GDAP2: variants seen among roughly 807,000 people sequenced by gnomAD.
GDAP2 encodes the protein ganglioside-induced differentiation-associated protein 2.
GDAP2 carries 51 observed loss-of-function variants against 67.0 expected under a neutral mutation model. The observed-to-expected ratio is 0.76, with a 90% CI of 0.61 to 0.96. The LOEUF (loss-of-function observed/expected upper bound fraction) is 0.96, where lower values mean the gene tolerates loss of function less well. Ranked by LOEUF, GDAP2 falls within the 40% of genes least tolerant of loss-of-function variation. The pLI is 0.00. For synonymous variants in GDAP2, 203 were observed against 207.3 expected (o/e 0.98, Z 0.18); for missense variants, 547 against 588.3 (o/e 0.93, Z 0.73).
At chr1:117,918,187 A>G (rs766567415) in intron 3 of GDAP2, among the ~76,000 whole-genome samples, 1 of 152,234 alleles carries the variant, frequency 6.6e-6, no homozygotes, top group African/African-American at 2.4e-5. Context: ...TGAATTTCAC[A>G]GTATTTCATT....
intron 8 of GDAP2, among the ~76,000 whole-genome samples, chr1:117,890,409 CTCTATA>C (rs541365241): frequency 1.9e-3 from 282 of 152,132 alleles, no homozygotes; most frequent in African/African-American, 4.8e-3. Flanking sequence ...GACACTCAAT[CTCTATA>C]TCTATATCTA....
chr1:117,908,636 C>T (rs747597935), intron 5 of GDAP2, among the ~76,000 whole-genome samples: 2 of 151,988 alleles, frequency 1.3e-5, no homozygotes, highest in Non-Finnish European at 2.9e-5. Context: ...GTTTGGGCAA[C>T]ATAGCGAGAC....
At chr1:117,889,314 AT>A (rs139433939) in intron 8 of GDAP2, among the ~76,000 whole-genome samples, 10,432 of 150,816 alleles carry the variant, frequency 0.069, 806 homozygotes, top group East Asian at 0.28. Flanking sequence ...CATATTTATC[AT>A]TTTTTTTTGG....
At chr1:117,870,842 T>C (rs1295530208) in intron 13 of GDAP2, among the ~76,000 whole-genome samples, 5 of 152,168 alleles carry the variant, frequency 3.3e-5, no homozygotes, top group Non-Finnish European at 5.9e-5. Context: ...ATACCACTTA[T>C]TGAATATTTT....
rs1187690370 is a variant in GDAP2, at chr1:117,867,752, T to C, written c.*2817A>G. ...ATATAAAGCATCCGCCAATGAAACA[T>C]AATATACATTAAAGGAGAAAACGTC... On this transcript the variant is annotated 3_prime_UTR_variant, in exon 14 of 14. Coordinates refer to ENST00000369443, the MANE Select transcript of GDAP2 (RefSeq NM_017686.4). The C allele has an allele frequency of 6.6e-6, 1 of 151,724 alleles. No individual in the cohort carries two copies. Among genetic ancestry groups the C allele is most frequent in the African/African-American group, 2.4e-5 (1 of 41,294 alleles). 9.4% of individuals were successfully genotyped at this position (151,724 alleles called of 1,614,324 possible).
chr1:117,910,791 G>C (rs866693665), intron 5 of GDAP2, among the ~76,000 whole-genome samples: 2 of 152,162 alleles, frequency 1.3e-5, no homozygotes, highest in African/African-American at 2.4e-5. Flanking sequence ...GTTACAGTTA[G>C]TACTACTTCA....
chr1:117,904,170 G>A (rs953060462), intron 6 of GDAP2, among the ~76,000 whole-genome samples: 1 of 151,682 alleles, frequency 6.6e-6, no homozygotes, highest in African/African-American at 2.4e-5. Context: ...TTTATTTTTA[G>A]CAGAGATGGG....
rs2101108312 is a variant in GDAP2 at position 117,863,711 on chromosome 1, T to C, written c.*6858A>G. 1.3e-5 allele frequency: 2 copies of C among 152,380 alleles called. No individual in the cohort carries two copies. Among genetic ancestry groups the C allele is most frequent in the South Asian group, 4.1e-4 (2 of 4,832 alleles). 9.4% of individuals were successfully genotyped at this position (152,380 alleles called of 1,614,324 possible). On this transcript the variant is annotated 3_prime_UTR_variant, in exon 14 of 14. Transcript: ENST00000369443. ...ACATTGATATTCTATATTTAAATTA[T>C]GTTTTATAAAAGCATGCGCTTTGGA... is the stretch of plus-strand genomic sequence containing the variant.
chr1:117,893,957 TA>T (rs1397916427), intron 8 of GDAP2, among the ~76,000 whole-genome samples: 1 of 152,148 alleles, frequency 6.6e-6, no homozygotes, highest in Non-Finnish European at 1.5e-5. Context: ...TAACTTTTTT[TA>T]AAAAAGCTGT....
chr1:117,881,958 T>C (rs1466441598), intron 11 of GDAP2, 81 bp from the exon 12 acceptor site: 1 of 758,982 alleles, frequency 1.3e-6, no homozygotes, highest in Non-Finnish European at 2.4e-6. Flanking sequence ...TATTAACTAT[T>C]TGCCTGAGTA....
At chr1:117,906,298 A>G (rs897339421) in intron 6 of GDAP2, among the ~76,000 whole-genome samples, 4 of 152,198 alleles carry the variant, frequency 2.6e-5, no homozygotes, top group African/African-American at 4.8e-5. Flanking sequence ...ACAGTTATAA[A>G]AAATATGAAC....
chr1:117,895,226 A>C (rs945654666), intron 8 of GDAP2, among the ~76,000 whole-genome samples: 1 of 152,202 alleles, frequency 6.6e-6, no homozygotes, highest in Non-Finnish European at 1.5e-5. Flanking sequence ...GAATATCCCA[A>C]TTATTTTAAA....
chr1:117,916,257 A>C (rs1480022448), intron 3 of GDAP2, among the ~76,000 whole-genome samples: 3 of 152,228 alleles, frequency 2.0e-5, no homozygotes, highest in Non-Finnish European at 2.9e-5. Flanking sequence ...CTTAAGAATA[A>C]GGGTTGACAA....
At chr1:117,919,845 C>G (rs1231388664) in intron 2 of GDAP2, among the ~76,000 whole-genome samples, 1 of 150,770 alleles carries the variant, frequency 6.6e-6, no homozygotes, top group African/African-American at 2.4e-5. Context: ...GCCAACTAAC[C>G]TATAGTGACA....
intron 12 of GDAP2, 63 bp from the exon 13 acceptor site, chr1:117,878,215 T>A: frequency 1.2e-6 from 1 of 843,120 alleles, no homozygotes; most frequent in South Asian, 2.1e-5. Flanking sequence ...ATAAACACAA[T>A]TTGGAAAATT....
intron 9 of GDAP2, among the ~76,000 whole-genome samples, chr1:117,887,058 A>C (rs1648880124): frequency 6.6e-6 from 1 of 152,032 alleles, no homozygotes; most frequent in Admixed American, 6.6e-5. Flanking sequence ...CCTCCAAAGC[A>C]GCTGGGACTA....
At chr1:117,890,269 AG>A (rs1453988668) in intron 8 of GDAP2, among the ~76,000 whole-genome samples, 2 of 152,078 alleles carry the variant, frequency 1.3e-5, no homozygotes, top group East Asian at 3.9e-4. Context: ...GTATCCCCAA[AG>A]ACTTCTACCA....
At chr1:117,886,546 G>A (rs1648860392) in intron 10 of GDAP2, 31 bp downstream of exon 10, 3 of 1,134,534 alleles carry the variant, frequency 2.6e-6, no homozygotes, top group African/African-American at 3.0e-5. Context: ...AATCAACATT[G>A]TTTGTAAAAC....
At chr1:117,876,263 G>C (rs1648450952) in intron 13 of GDAP2, among the ~76,000 whole-genome samples, 1 of 151,980 alleles carries the variant, frequency 6.6e-6, no homozygotes, top group Non-Finnish European at 1.5e-5. Context: ...AAAAGAGCCT[G>C]GCACCTCCCT....
Sources: allele counts gnomAD v4.1 joint callset (sites outside exome capture counted in the v4.1 genomes callset), GRCh38; gene constraint gnomAD v4.1.1; transcripts MANE v1.5; gene names NCBI Gene and HGNC (gene_info 2026-07-23, HGNC 2026-07-21).